The following LRRTM1 variants were observed in gnomAD, a reference collection of about 807,000 sequenced individuals.
LRRTM1 encodes the protein leucine-rich repeat transmembrane neuronal protein 1.
In LRRTM1, 8 loss-of-function variants were observed where a neutral mutation model predicts 37.3. The ratio of observed to expected loss-of-function variants is 0.21; its 90% CI spans 0.13 to 0.39. LRRTM1 has a LOEUF of 0.39. Among genes scored for constraint, LRRTM1 ranks in the 10% least tolerant of loss-of-function variants. The pLI, the probability that LRRTM1 is intolerant of heterozygous loss-of-function variation, is 1.00. For synonymous variants in LRRTM1, 326 were observed against 316.8 expected (o/e 1.03, Z -0.31); for missense variants, 557 against 691.0 (o/e 0.81, Z 2.17).
chr2:80,303,676 C>A lies in LRRTM1; in HGVS notation c.144G>T (p.Arg48=), dbSNP rs764013105. The part of the protein sequence containing the change: ...GCPQLCRCEG[R]LLYCEALNLT... Reference sequence around the variant, plus strand: ...GGTTGAGCGCCTCGCAGTACAGCAGCCGCCCCTCGCACCGGCACAGCTGCG... The same window carrying A: ...GGTTGAGCGCCTCGCAGTACAGCAGACGCCCCTCGCACCGGCACAGCTGCG... The change falls in exon 2 of 2, where the codon CGG becomes CGT. Residue 48 remains arginine, a synonymous_variant. Coordinates refer to ENST00000295057, the MANE Select transcript of LRRTM1 (RefSeq NM_178839.5). This position sits in a 1 kb window ranked among gnomAD's most constrained non-coding sequence, Gnocchi z 7.7. The A allele has an allele frequency of 6.2e-6, 10 of 1,611,244 alleles. No individual in the cohort carries two copies. Among genetic ancestry groups the A allele is most frequent in the Non-Finnish European group, 8.5e-6 (10 of 1,178,398 alleles).
At chr2:80,292,495 T>C (rs1220490720) in intron 2 of LRRTM1, among the ~76,000 whole-genome samples, 1 of 152,054 alleles carries the variant, frequency 6.6e-6, no homozygotes, top group Non-Finnish European at 1.5e-5. Context: ...GATGAAGGCT[T>C]TTTGCAGGGC....
At chr2:80,300,279 GGGGTGTGTGTGT>G (rs1177235084), downstream of LRRTM1, among the ~76,000 whole-genome samples, 5,197 of 128,032 alleles carry the variant, frequency 0.041, 172 homozygotes, top group African/African-American at 0.073. Flanking sequence ...CTGGGGTGTT[GGGGTGTGTGTGT>G]GTGTGTGTGT....
At chr2:80,290,695 A>C (rs556888557) in intron 2 of LRRTM1, among the ~76,000 whole-genome samples, 260 of 152,220 alleles carry the variant, frequency 1.7e-3, no homozygotes, top group African/African-American at 5.9e-3. Context: ...GGTTTACCCC[A>C]AAAATTAGTA....
chr2:80,302,191 G>C lies in LRRTM1; in HGVS notation c.*60C>G. On this transcript the variant is annotated 3_prime_UTR_variant, in exon 2 of 2. Transcript: ENST00000295057. The surrounding 1 kb of genome is among the most constrained non-coding windows in gnomAD (Gnocchi z 6.4). Reference sequence around the variant, plus strand: ...AGGAGACCCCAGCCTGGTGCCCGCCGGCCCGTCCCGGCTGCCCAGGCGTAT... The same window carrying C: ...AGGAGACCCCAGCCTGGTGCCCGCCCGCCCGTCCCGGCTGCCCAGGCGTAT... 6.4e-7 allele frequency: 1 copy of C among 1,563,428 alleles called. No homozygotes were observed. The highest frequency in any genetic ancestry group is 1.3e-5 in the African/African-American group (1 of 74,180).
chr2:80,297,267 A>T (rs1558978827), downstream of LRRTM1, among the ~76,000 whole-genome samples: 1 of 152,212 alleles, frequency 6.6e-6, no homozygotes, highest in Non-Finnish European at 1.5e-5. Context: ...TTCAAGGAAT[A>T]AAGAAACAGT....
rs1676380964 is a variant in LRRTM1, at chr2:80,302,158, C to G, written c.*93G>C. The G allele has an allele frequency of 2.0e-6, 3 of 1,479,472 alleles. No individual in the cohort carries two copies. Among genetic ancestry groups the G allele is most frequent in the Admixed American group, 4.2e-5 (2 of 47,242 alleles). 91.6% of individuals were successfully genotyped at this position (1,479,472 alleles called of 1,614,324 possible). ...GTTTCAGTCAAGGAGCATATCAGAGCACAGACAAGGAGACCCCAGCCTGGT... is the reference window on the plus strand; with the variant it reads ...GTTTCAGTCAAGGAGCATATCAGAGGACAGACAAGGAGACCCCAGCCTGGT... On this transcript the variant is annotated 3_prime_UTR_variant, in exon 2 of 2. Coordinates refer to ENST00000295057, the MANE Select transcript of LRRTM1 (RefSeq NM_178839.5). This position sits in a 1 kb window ranked among gnomAD's most constrained non-coding sequence, Gnocchi z 6.4.
chr2:80,299,748 T>A (rs1676073982), downstream of LRRTM1: 1 of 152,094 alleles, frequency 6.6e-6, no homozygotes, highest in African/African-American at 2.4e-5. Flanking sequence ...TAAACTACAG[T>A]TTCCAATATT....
intron 2 of LRRTM1, among the ~76,000 whole-genome samples, chr2:80,294,094 G>A (rs1040712645): frequency 2.6e-5 from 4 of 152,100 alleles, no homozygotes; most frequent in African/African-American, 7.2e-5. Context: ...AATCAGAGAA[G>A]GAAAGGAAGG....
chr2:80,301,250 A>G (rs1370702113), downstream of LRRTM1, among the ~76,000 whole-genome samples: 1 of 152,184 alleles, frequency 6.6e-6, no homozygotes, highest in Non-Finnish European at 1.5e-5. Flanking sequence ...AGTCTTAGCA[A>G]TGTGCTCCAG....
At chr2:80,297,147 T>C (rs1406851357), downstream of LRRTM1, among the ~76,000 whole-genome samples, 1 of 152,236 alleles carries the variant, frequency 6.6e-6, no homozygotes, top group Non-Finnish European at 1.5e-5. Context: ...TCAGAATTCC[T>C]GGATTTCACC....
chr2:80,290,686 G>T (rs1675162871), intron 2 of LRRTM1, among the ~76,000 whole-genome samples: 1 of 151,762 alleles, frequency 6.6e-6, no homozygotes, highest in African/African-American at 2.4e-5. Flanking sequence ...TATATCTGTG[G>T]TTTACCCCAA....
chr2:80,303,241 T>C lies in LRRTM1; in HGVS notation c.579A>G (p.Gly193=), dbSNP rs1676540591. The C allele has an allele frequency of 6.2e-7, 1 of 1,613,756 alleles. No homozygotes were observed. The highest frequency in any genetic ancestry group is 2.2e-5 in the East Asian group (1 of 44,862). ...DCRSLKFLDI[G]YNQLKSLARN... ...GCGCCAGACTCTTGAGCTGATTGTA[T>C]CCGATGTCGAGAAACTTGAGGCTGC... The change falls in exon 2 of 2, where the codon GGA becomes GGG. Residue 193 remains glycine, a synonymous_variant. Transcript: ENST00000295057. The surrounding 1 kb of genome is among the most constrained non-coding windows in gnomAD (Gnocchi z 7.7).
At position 80,303,425 on chromosome 2, in the gene LRRTM1, G is replaced by T; in HGVS notation, c.395C>A (p.Thr132Asn). 1 of 1,614,222 alleles carries T rather than the reference G, an allele frequency of 6.2e-7. No individual in the cohort carries two copies. Among genetic ancestry groups the T allele is most frequent in the Non-Finnish European group, 8.5e-7 (1 of 1,180,042 alleles). The part of the protein sequence containing the change: ...SNQITQLPNT[T>N]FRPMPNLRSV... ...GCGCAGGTTGGGCATGGGCCGGAAG[G>T]TGGTGTTGGGCAGTTGGGTGATCTG... The change falls in exon 2 of 2, where the codon ACC becomes AAC. Residue 132 changes from threonine (T) to asparagine (N), a missense_variant. This residue lies in a region of LRRTM1 where 38 missense variants were observed against 72.9 expected (regional missense o/e 0.52). Transcript: ENST00000295057. The surrounding 1 kb of genome is among the most constrained non-coding windows in gnomAD (Gnocchi z 7.7).
At chr2:80,295,011 C>T (rs930197785) in intron 2 of LRRTM1, among the ~76,000 whole-genome samples, 9 of 152,036 alleles carry the variant, frequency 5.9e-5, no homozygotes, top group Admixed American at 4.6e-4. Context: ...AAACTCTCTC[C>T]TCTTCCTCTC....
downstream of LRRTM1, among the ~76,000 whole-genome samples, chr2:80,300,393 AAG>A (rs1260497456): frequency 1.3e-5 from 2 of 150,824 alleles, no homozygotes; most frequent in East Asian, 3.9e-4. Context: ...TTTCTCTTGA[AAG>A]AGACTCTTAG....
At chr2:80,300,281 GGTGTGTGTGTGTGTGTGTGTGTGT>G (rs70940079), downstream of LRRTM1, among the ~76,000 whole-genome samples, 32 of 93,108 alleles carry the variant, frequency 3.4e-4, no homozygotes, top group African/African-American at 1.2e-3. Flanking sequence ...GGGGTGTTGG[GGTGTGTGTGTGTGTGTGTGTGTGT>G]GTGTGTGTGT....
rs1676564789 is a variant in LRRTM1 at position 80,303,429 on chromosome 2, T to A, written c.391A>T (p.Thr131Ser). The A allele has an allele frequency of 1.2e-6, 2 of 1,614,062 alleles. No homozygotes were observed. The highest frequency in any genetic ancestry group is 2.7e-5 in the African/African-American group (2 of 75,014). The change falls in exon 2 of 2, where the codon ACC becomes TCC. Residue 131 changes from threonine (T) to serine (S), a missense_variant. Coordinates refer to ENST00000295057, the MANE Select transcript of LRRTM1 (RefSeq NM_178839.5). The surrounding 1 kb of genome is among the most constrained non-coding windows in gnomAD (Gnocchi z 7.7). ...SSNQITQLPN[T>S]TFRPMPNLRS... Reference sequence around the variant, plus strand: ...AGGTTGGGCATGGGCCGGAAGGTGGTGTTGGGCAGTTGGGTGATCTGGTTG... The same window carrying A: ...AGGTTGGGCATGGGCCGGAAGGTGGAGTTGGGCAGTTGGGTGATCTGGTTG...
chr2:80,289,972 G>A (rs1675097876), intron 2 of LRRTM1, among the ~76,000 whole-genome samples: 1 of 152,154 alleles, frequency 6.6e-6, no homozygotes, highest in Admixed American at 6.5e-5. Context: ...AAGTCACTGT[G>A]TGTGAGGGGC....
At chr2:80,298,185 A>G (rs761777129), downstream of LRRTM1, 1 of 151,944 alleles carries the variant, frequency 6.6e-6, no homozygotes, top group Non-Finnish European at 1.5e-5. Context: ...TTTTTTTGAC[A>G]TTCTAAACCT....
Sources: allele counts gnomAD v4.1 joint callset (sites outside exome capture counted in the v4.1 genomes callset), GRCh38; gene constraint gnomAD v4.1.1; regional missense constraint gnomAD v4.1.1; non-coding constraint Gnocchi (gnomAD v3.1); transcripts MANE v1.5; gene names NCBI Gene and HGNC (gene_info 2026-07-23, HGNC 2026-07-21).